Variants in NARS2 observed in about 807,000 individuals in gnomAD.
NARS2 encodes asparaginyl-tRNA synthetase 2, mitochondrial.
Under a neutral mutation model 62.9 loss-of-function variants are expected in NARS2, and 60 were observed. The observed-to-expected ratio is 0.95, with a 90% CI of 0.77 to 1.18. NARS2 has a LOEUF of 1.18. NARS2 is among the 50% of genes most tolerant of loss of function. NARS2 has a pLI of 0.00. For synonymous variants in NARS2, 196 were observed against 200.0 expected (o/e 0.98, Z 0.17); for missense variants, 619 against 576.4 (o/e 1.07, Z -0.76).
chr11:78,525,060 T>G (rs1484692245), intron 6 of NARS2, among the ~76,000 whole-genome samples: 1 of 152,144 alleles, frequency 6.6e-6, no homozygotes, highest in East Asian at 1.9e-4. Flanking sequence ...CTATGGTGTA[T>G]GATTCCAACT....
At chr11:78,450,380 A>G (rs1857924364) in intron 11 of NARS2, among the ~76,000 whole-genome samples, 1 of 152,136 alleles carries the variant, frequency 6.6e-6, no homozygotes, top group African/African-American at 2.4e-5. Flanking sequence ...CCACACCACT[A>G]CTATATCTTT....
At chr11:78,544,040 A>AAAAAAT (rs1367600620) in intron 5 of NARS2, among the ~76,000 whole-genome samples, 13 of 148,658 alleles carry the variant, frequency 8.7e-5, no homozygotes, top group African/African-American at 1.2e-4. Flanking sequence ...AAAAAAAAAA[A>AAAAAAT]CTCTCTCTCA....
At chr11:78,574,304 A>C (rs746888738) in intron 1 of NARS2, 44 bp downstream of exon 1, 2 of 1,613,000 alleles carry the variant, frequency 1.2e-6, no homozygotes, top group African/African-American at 1.3e-5. Context: ...GTGCCATATA[A>C]AAGTCCCTAC....
chr11:78,508,215 A>G (rs963051289), intron 6 of NARS2, among the ~76,000 whole-genome samples: 5 of 152,242 alleles, frequency 3.3e-5, no homozygotes, highest in African/African-American at 1.2e-4. Context: ...AAGACTGAAA[A>G]AAAATGAATA....
At chr11:78,458,178 A>T (rs979127518) in intron 11 of NARS2, among the ~76,000 whole-genome samples, 2 of 152,328 alleles carry the variant, frequency 1.3e-5, no homozygotes, top group Admixed American at 1.3e-4. Context: ...TATGCTAATT[A>T]CCCTAATTTG....
At position 78,447,457 on chromosome 11, in the gene NARS2, T is replaced by G. The variant is rs567041676; in HGVS notation, c.1165-3699A>C. On this transcript the variant is annotated intron_variant, in intron 11 of 13. Transcript: ENST00000281038. ...ATGGTATGGAAGTTCCTCAAAAACC[T>G]AAAAACAGAACATACACCTCAGCAA... Among the ~76,000 whole-genome samples the G allele has an allele frequency of 2.6e-3, 397 of 152,222 alleles. 7 individuals are homozygous for G. The highest frequency in any genetic ancestry group is 0.02 in the Middle Eastern group (6 of 294).
chr11:78,574,733 A>C lies in NARS2; in HGVS notation c.-245T>G. ...GGACACTAGGCAAACGCCAGAAAGA[A>C]ACCACGTGCAGTTGGCAGCTGGGGC... On this transcript the variant is annotated 5_prime_UTR_variant, in exon 1 of 14. Coordinates refer to ENST00000281038, the MANE Select transcript of NARS2 (RefSeq NM_024678.6). 1 of 479,248 alleles carries C rather than the reference A, an allele frequency of 2.1e-6. No homozygotes were observed. Among genetic ancestry groups the C allele is most frequent in the Non-Finnish European group, 3.7e-6 (1 of 271,756 alleles). 29.7% of individuals were successfully genotyped at this position (479,248 alleles called of 1,614,324 possible).
rs1857412694 is a variant in NARS2, at chr11:78,436,454, T to TAA, written c.*214_*215dup. On this transcript the variant is annotated 3_prime_UTR_variant, in exon 14 of 14. Coordinates refer to ENST00000281038, the MANE Select transcript of NARS2 (RefSeq NM_024678.6). ...AATGGATTTGAGAGTCCCCTTGCTATAAGTACCTCTTCTTGCGGGAGCTCA... is the reference window on the plus strand; with the variant it reads ...AATGGATTTGAGAGTCCCCTTGCTATAAAAGTACCTCTTCTTGCGGGAGCTCA... 1.9e-6 allele frequency: 1 copy of TAA among 520,438 alleles called. No individual in the cohort carries two copies. The highest frequency in any genetic ancestry group is 1.9e-5 in the African/African-American group (1 of 52,106). The allele number at this position is 520,438 out of a possible 1,614,324, so 32.2% of individuals were successfully genotyped here.
chr11:78,571,545 C>A, intron 1 of NARS2, 101 bp from the exon 2 acceptor site: 1 of 730,290 alleles, frequency 1.4e-6, no homozygotes, highest in African/African-American at 1.8e-5. Context: ...TACTCACAAT[C>A]CTGCCTCAAC....
chr11:78,466,076 C>A (rs930955747), intron 10 of NARS2, 63 bp from the exon 11 acceptor site: 1 of 1,493,176 alleles, frequency 6.7e-7, no homozygotes, highest in African/African-American at 1.4e-5. Context: ...AATTAAGCAG[C>A]TGAAAATAAC....
chr11:78,439,551 A>C (rs1382776641), intron 13 of NARS2, among the ~76,000 whole-genome samples: 1 of 152,212 alleles, frequency 6.6e-6, no homozygotes, highest in Non-Finnish European at 1.5e-5. Context: ...CATCCGCACA[A>C]TAACTCTGTG....
In NARS2 at chr11:78,436,873, T is replaced by C. The variant is rs190538562; in HGVS notation, c.1290-59A>G. ...TATAGTATAAGACCAGATGTTATGA[T>C]TAGAATTTAATGTTTCAAACGTATT... On this transcript the variant is annotated intron_variant, in intron 13 of 13. Transcript: ENST00000281038. The C allele has an allele frequency of 5.3e-6, 8 of 1,516,086 alleles. No individual in the cohort carries two copies. In the East Asian group the frequency reaches 1.1e-4, roughly 22 times the overall value. 93.9% of individuals were successfully genotyped at this position (1,516,086 alleles called of 1,614,324 possible). A position where few individuals can be genotyped will look rare whatever the true frequency, so the allele number is the denominator to read the frequency against.
At chr11:78,450,667 T>A (rs12805907) in intron 11 of NARS2, among the ~76,000 whole-genome samples, 1 of 77,000 alleles carries the variant, frequency 1.3e-5, no homozygotes. Flanking sequence ...AAGCCTTGTC[T>A]TTTTTTTTTT....
rs1407962947 is a variant in NARS2 at position 78,568,684 on chromosome 11, T to G, written c.320A>C (p.Asn107Thr). 1.2e-6 allele frequency: 2 copies of G among 1,613,210 alleles called. No homozygotes were observed. Residue 107 changes from asparagine (N) to threonine (T), a missense_variant, in exon 3 of 14, where the codon AAT (asparagine) becomes ACT (threonine). By Grantham distance (65) the Asn-to-Thr change is moderately conservative. Coordinates refer to ENST00000281038, the MANE Select transcript of NARS2 (RefSeq NM_024678.6). Reference protein sequence around the residue: ...QLIKSPSKRQNVELKAEKIKV... With the variant: ...QLIKSPSKRQTVELKAEKIKV... ...AATTTTTTCTGCCTTCAGTTCCACA[T>G]TTTGCCTTTTGGATGGACTTTTTAT...
chr11:78,555,869 G>A (rs1289187598), intron 5 of NARS2, among the ~76,000 whole-genome samples: 2 of 152,012 alleles, frequency 1.3e-5, no homozygotes, highest in African/African-American at 4.8e-5. Flanking sequence ...CAGAGATTCT[G>A]GTACGTTGTA....
chr11:78,559,635 ACT>A lies in NARS2; in HGVS notation c.514-18_514-17del. 1 of 1,552,676 alleles carries A rather than the reference ACT, an allele frequency of 6.4e-7. No individual in the cohort carries two copies. The highest frequency in any genetic ancestry group is 8.9e-7 in the Non-Finnish European group (1 of 1,125,286). On this transcript the variant is annotated splice_polypyrimidine_tract_variant and intron_variant, in intron 4 of 13. Coordinates refer to ENST00000281038, the MANE Select transcript of NARS2 (RefSeq NM_024678.6). ...AGCCACTGTCCTGAAAAAGAAAACC[ACT>A]GTTTTCAGGATATTTGCACATTCAA...
Position 78,546,242 on chromosome 11 carries a change from A to G in NARS2, c.594+13297T>C, listed in dbSNP as rs73506984. Among the ~76,000 whole-genome samples the G allele has an allele frequency of 5.4e-3, 819 of 152,324 alleles. 7 individuals are homozygous for G. Among genetic ancestry groups the G allele is most frequent in the African/African-American group, 0.019 (788 of 41,562 alleles). ...TGTAGCCAGGTATCTCTGTCTTACC[A>G]TGCAGCCTTCCCACACAAATAGTTT... is the stretch of plus-strand genomic sequence containing the variant. On this transcript the variant is annotated intron_variant, in intron 5 of 13. Transcript: ENST00000281038.
intron 5 of NARS2, among the ~76,000 whole-genome samples, chr11:78,545,675 T>C (rs1855843394): frequency 1.3e-5 from 2 of 151,868 alleles, no homozygotes; most frequent in Non-Finnish European, 2.9e-5. Flanking sequence ...CAGTTGTGCA[T>C]GCCACTGTGG....
intron 4 of NARS2, among the ~76,000 whole-genome samples, chr11:78,560,319 A>G (rs1233902498): frequency 6.6e-6 from 1 of 152,186 alleles, no homozygotes; most frequent in Non-Finnish European, 1.5e-5. Context: ...CGAGGTCCCC[A>G]AATGGAGCTC....
Sources: gnomAD v4.1 joint callset for allele counts (sites outside exome capture counted in the v4.1 genomes callset) on GRCh38, gnomAD v4.1.1 for gene constraint, MANE v1.5 for transcripts, NCBI Gene and HGNC (gene_info 2026-07-23, HGNC 2026-07-21) for gene names.